The following GLI2 variants were observed in gnomAD, a reference collection of about 807,000 sequenced individuals.
The protein encoded by GLI2 is GLI family zinc finger 2, also known as transcription activator GLI2.
In GLI2, 22 loss-of-function variants were observed where a neutral mutation model predicts 78.9. The ratio of observed to expected loss-of-function variants is 0.28; its 90% CI spans 0.20 to 0.40. The LOEUF (loss-of-function observed/expected upper bound fraction) is 0.40, where lower values mean the gene tolerates loss of function less well. Ranked by LOEUF, GLI2 falls within the 10% of genes least tolerant of loss-of-function variation. The pLI, the probability that GLI2 is intolerant of heterozygous loss-of-function variation, is 1.00. For missense variants in GLI2, 2,097 were observed against 2,213.2 expected (o/e 0.95, Z 1.05); for synonymous variants, 974 against 963.7 (o/e 1.01, Z -0.20).
At chr2:120,917,921 G>A (rs893540034) in intron 2 of GLI2, among the ~76,000 whole-genome samples, 1 of 152,222 alleles carries the variant, frequency 6.6e-6, no homozygotes, top group African/African-American at 2.4e-5. Context: ...ACCAGAGCTT[G>A]TAGTAGCCAG....
At chr2:120,905,893 C>T (rs1034807927) in intron 2 of GLI2, among the ~76,000 whole-genome samples, 1 of 150,188 alleles carries the variant, frequency 6.7e-6, no homozygotes, top group Non-Finnish European at 1.5e-5. Flanking sequence ...CACATGGGCC[C>T]CAGTGTCCAC....
In GLI2 at chr2:120,889,693, A is replaced by G. The variant is rs1677588339; in HGVS notation, c.149-37668A>G. Among the ~76,000 whole-genome samples the G allele has an allele frequency of 7.2e-5, 11 of 152,380 alleles. No homozygotes were observed. In the South Asian group the frequency reaches 8.3e-4, roughly 11 times the overall value. On this transcript the variant is annotated intron_variant, in intron 2 of 13. Transcript: ENST00000361492. ...AACAGAAAGAGACCTTTCACAAAAG[A>G]GGATTATATAAATGGCCAATAAGCA...
At chr2:120,979,385 G>T (rs564263885) in intron 10 of GLI2, among the ~76,000 whole-genome samples, 1 of 152,272 alleles carries the variant, frequency 6.6e-6, no homozygotes, top group Admixed American at 6.5e-5. Context: ...CACAGAAACT[G>T]CTGCCCCACA....
intron 1 of GLI2, among the ~76,000 whole-genome samples, chr2:120,740,834 C>G (rs994046684): frequency 9.9e-5 from 15 of 152,206 alleles, no homozygotes; most frequent in Non-Finnish European, 1.6e-4. Flanking sequence ...TTTGGGCAGC[C>G]GAGGGCCCCA....
intron 1 of GLI2, among the ~76,000 whole-genome samples, chr2:120,746,107 T>C (rs186971970): frequency 3.9e-4 from 60 of 152,284 alleles, no homozygotes; most frequent in African/African-American, 1.3e-3. Flanking sequence ...ATCCAGTGCG[T>C]TGCTTCTTCA....
Position 120,989,866 on chromosome 2 carries a change from G to C in GLI2, c.3901G>C (p.Val1301Leu). 1.2e-6 allele frequency: 2 copies of C among 1,613,070 alleles called. No individual in the cohort carries two copies. Among genetic ancestry groups the C allele is most frequent in the South Asian group, 1.1e-5 (1 of 91,072 alleles). ...ALAGVPPPHP[V>L]QSYPQQSHHL... ...GGCTGGAGTGCCACCACCTCACCCAGTCCAGAGCTACCCACAGCAGAGCCA... is the reference window on the plus strand; with the variant it reads ...GGCTGGAGTGCCACCACCTCACCCACTCCAGAGCTACCCACAGCAGAGCCA... Residue 1301 changes from valine (V) to leucine (L), a missense_variant, in exon 14 of 14, where the codon GTC becomes CTC. Val to Leu is a conservative substitution (Grantham distance 32, BLOSUM62 1). Transcript: ENST00000361492.
At position 120,989,396 on chromosome 2, in the gene GLI2, T is replaced by A. The variant is rs1238186456; in HGVS notation, c.3431T>A (p.Val1144Glu). Residue 1144 changes from valine (V) to glutamate (E), a missense_variant, in exon 14 of 14, where the codon GTG becomes GAG. By Grantham distance (121) the Val-to-Glu change is moderately radical. Coordinates refer to ENST00000361492, the MANE Select transcript of GLI2 (RefSeq NM_001374353.1). The part of the protein sequence containing the change: ...SGTVDALASQ[V>E]KPPPFPQGNL... ...ACCGTAGACGCCCTGGCCAGCCAGG[T>A]GAAGCCTCCACCCTTTCCTCAGGGC... 6.2e-7 allele frequency: 1 copy of A among 1,612,870 alleles called. No individual in the cohort carries two copies. The highest frequency in any genetic ancestry group is 8.5e-7 in the Non-Finnish European group (1 of 1,179,974).
At chr2:120,809,869 C>G (rs1417833898) in intron 2 of GLI2, among the ~76,000 whole-genome samples, 1 of 152,162 alleles carries the variant, frequency 6.6e-6, no homozygotes, top group Admixed American at 6.5e-5. Flanking sequence ...GCACCAGCCT[C>G]CAGCTAACTT....
intron 3 of GLI2, among the ~76,000 whole-genome samples, chr2:120,944,738 G>A (rs573983262): frequency 2.0e-4 from 30 of 152,390 alleles, no homozygotes; most frequent in Admixed American, 1.2e-3. Flanking sequence ...CTCTGCAACC[G>A]TGGGCAAGTC....
chr2:120,854,616 T>C (rs902320208), intron 2 of GLI2, among the ~76,000 whole-genome samples: 2 of 152,200 alleles, frequency 1.3e-5, no homozygotes, highest in African/African-American at 2.4e-5. Flanking sequence ...ACGATGTGTA[T>C]GTTCTGAGGT....
chr2:120,868,977 G>T (rs762548024), intron 2 of GLI2, among the ~76,000 whole-genome samples: 3 of 152,238 alleles, frequency 2.0e-5, no homozygotes, highest in Non-Finnish European at 4.4e-5. Context: ...TCCTCTCAGT[G>T]CACTGGGAAG....
In GLI2 at chr2:120,944,482, A is replaced by G. The variant is rs1302758628; in HGVS notation, c.255-6761A>G. Among the ~76,000 whole-genome samples the G allele has an allele frequency of 2.0e-5, 3 of 152,254 alleles. No homozygotes were observed. The East Asian group carries it at 5.8e-4, about 29-fold the overall frequency. On this transcript the variant is annotated intron_variant, in intron 3 of 13. Coordinates refer to ENST00000361492, the MANE Select transcript of GLI2 (RefSeq NM_001374353.1). ...GATTCAGACCTAGATCTGTGACTTCAGAGTCCAGATTCTGCTTATCAGTGG... is the reference window on the plus strand; with the variant it reads ...GATTCAGACCTAGATCTGTGACTTCGGAGTCCAGATTCTGCTTATCAGTGG...
At chr2:120,851,108 A>G (rs1207990114) in intron 2 of GLI2, among the ~76,000 whole-genome samples, 2 of 152,166 alleles carry the variant, frequency 1.3e-5, no homozygotes, top group Non-Finnish European at 2.9e-5. Flanking sequence ...AAGTGTAAAA[A>G]TCATATGCAG....
chr2:120,948,295 G>T (rs994453960), intron 3 of GLI2, among the ~76,000 whole-genome samples: 1 of 152,198 alleles, frequency 6.6e-6, no homozygotes, highest in African/African-American at 2.4e-5. Flanking sequence ...CATGGGGGCT[G>T]CCATGAGGAT....
intron 1 of GLI2, among the ~76,000 whole-genome samples, chr2:120,760,482 T>C (rs1190895436): frequency 6.6e-6 from 1 of 152,144 alleles, no homozygotes; most frequent in East Asian, 1.9e-4. Flanking sequence ...CTGGAGGTTG[T>C]GTTAGGAGAT....
At chr2:120,934,787 C>G (rs1477239591) in intron 3 of GLI2, among the ~76,000 whole-genome samples, 1 of 152,102 alleles carries the variant, frequency 6.6e-6, no homozygotes, top group Non-Finnish European at 1.5e-5. Context: ...TGTGCCTTCA[C>G]TTAAGAGAGT....
At chr2:120,802,542 C>T (rs1258258533) in intron 2 of GLI2, among the ~76,000 whole-genome samples, 2 of 152,196 alleles carry the variant, frequency 1.3e-5, no homozygotes, top group Admixed American at 1.3e-4. Flanking sequence ...AGATGTTTCT[C>T]ATTGCTTTAT....
rs548462058 is a variant in GLI2 at position 120,947,694 on chromosome 2, C to T, written c.255-3549C>T. ...CAGGTGCCCGGCCCTGGTCATTTCACACCACCCTGGTGAGGCACCAGAGAG... is the reference window on the plus strand; with the variant it reads ...CAGGTGCCCGGCCCTGGTCATTTCATACCACCCTGGTGAGGCACCAGAGAG... On this transcript the variant is annotated intron_variant, in intron 3 of 13. Transcript: ENST00000361492. 1.5e-3 allele frequency among the ~76,000 whole-genome samples: 224 copies of T among 152,332 alleles called. 1 individual carries two copies. Among genetic ancestry groups the T allele is most frequent in the Middle Eastern group, 0.01 (3 of 294 alleles).
At chr2:120,803,690 C>T (rs967483908) in intron 2 of GLI2, among the ~76,000 whole-genome samples, 2 of 152,214 alleles carry the variant, frequency 1.3e-5, no homozygotes, top group African/African-American at 4.8e-5. Context: ...TTTTCCCCAG[C>T]ACGCTGGAGA....
Sources: allele counts gnomAD v4.1 joint callset (sites outside exome capture counted in the v4.1 genomes callset), GRCh38; gene constraint gnomAD v4.1.1; transcripts MANE v1.5; gene names NCBI Gene and HGNC (gene_info 2026-07-23, HGNC 2026-07-21).